RGS13: variants seen among roughly 807,000 people sequenced by gnomAD.
RGS13 encodes regulator of G protein signaling 13.
RGS13 carries 14 observed loss-of-function variants against 19.9 expected under a neutral mutation model. The observed-to-expected ratio is 0.70, with a 90% CI of 0.46 to 1.10. RGS13 has a LOEUF of 1.10. RGS13 is among the 50% of genes least tolerant of loss of function. RGS13 has a pLI of 0.00. For missense variants in RGS13, 205 were observed against 187.1 expected (o/e 1.10, Z -0.56); for synonymous variants, 60 against 56.8 (o/e 1.06, Z -0.25).
chr1:192,650,097 T>C (rs6703417), intron 5 of RGS13, among the ~76,000 whole-genome samples: 11,171 of 152,130 alleles, frequency 0.073, 913 homozygotes, highest in African/African-American at 0.2. Context: ...TGTAAGTTTC[T>C]GTGCCAGTCC....
At chr1:192,650,871 A>G (rs959397265) in intron 5 of RGS13, among the ~76,000 whole-genome samples, 1 of 152,084 alleles carries the variant, frequency 6.6e-6, no homozygotes, top group Non-Finnish European at 1.5e-5. Context: ...TGTTATTTAT[A>G]TGAAACATAA....
intron 5 of RGS13, among the ~76,000 whole-genome samples, chr1:192,652,091 G>C (rs887018986): frequency 2.0e-5 from 3 of 151,996 alleles, no homozygotes; most frequent in African/African-American, 7.2e-5. Context: ...TCAATCTTTT[G>C]ATCAAAATCA....
intron 3 of RGS13, among the ~76,000 whole-genome samples, chr1:192,638,499 A>G (rs569301302): frequency 6.6e-6 from 1 of 152,214 alleles, no homozygotes; most frequent in East Asian, 1.9e-4. Context: ...ATATTCCAAC[A>G]AAATAGTGGT....
intron 3 of RGS13, among the ~76,000 whole-genome samples, chr1:192,642,941 C>T (rs77951007): frequency 1.5e-3 from 235 of 152,078 alleles, no homozygotes; most frequent in African/African-American, 5.4e-3. Flanking sequence ...CTTGCTACAG[C>T]CTCCATCTCC....
chr1:192,659,344 A>G lies in RGS13; in HGVS notation c.301A>G (p.Ile101Val). ...IQPQSPREIN[I>V]DSSTRETIIR... ...ATGTAATTTCACTTTTCAGATTAACATTGACAGTTCGACAAGAGAGACTAT... is the reference window on the plus strand; with the variant it reads ...ATGTAATTTCACTTTTCAGATTAACGTTGACAGTTCGACAAGAGAGACTAT... The change falls in exon 7 of 7, where the codon ATT becomes GTT. Residue 101 changes from isoleucine to valine, a missense_variant. Physicochemically the swap from Ile to Val is conservative, Grantham distance 29. Transcript: ENST00000391995. The G allele has an allele frequency of 6.2e-7, 1 of 1,610,168 alleles. No individual in the cohort carries two copies. The highest frequency in any genetic ancestry group is 8.5e-7 in the Non-Finnish European group (1 of 1,178,464).
chr1:192,646,134 C>G (rs1020678152), intron 4 of RGS13: 1 of 152,158 alleles, frequency 6.6e-6, no homozygotes, highest in Non-Finnish European at 1.5e-5. Context: ...AATCTTAACA[C>G]AGTACACTGT....
intron 5 of RGS13, among the ~76,000 whole-genome samples, chr1:192,655,997 CAG>C (rs1663431449): frequency 6.6e-6 from 1 of 152,018 alleles, no homozygotes; most frequent in Non-Finnish European, 1.5e-5. Flanking sequence ...AAAAAAGAAA[CAG>C]GGATACTTCT....
At chr1:192,640,068 A>G (rs1663079654) in intron 3 of RGS13, among the ~76,000 whole-genome samples, 1 of 152,164 alleles carries the variant, frequency 6.6e-6, no homozygotes, top group South Asian at 2.1e-4. Flanking sequence ...TGGGACAGAA[A>G]AACTATTGCT....
Position 192,659,834 on chromosome 1 carries a change from TA to T in RGS13, c.*313del, listed in dbSNP as rs1173559591. On this transcript the variant is annotated 3_prime_UTR_variant, in exon 7 of 7. Transcript: ENST00000391995. ...AGTCAATTAATGGATATTTCCTTGT[TA>T]ATAAAATTTTGTGTCATAATTTACA... The T allele has an allele frequency of 9.6e-6, 2 of 208,972 alleles. No individual in the cohort carries two copies. Among genetic ancestry groups the T allele is most frequent in the African/African-American group, 4.6e-5 (2 of 43,014 alleles). The allele number at this position is 208,972 out of a possible 1,614,324, so 12.9% of individuals were successfully genotyped here.
intron 3 of RGS13, among the ~76,000 whole-genome samples, chr1:192,643,658 C>T (rs1571580143): frequency 1.3e-5 from 2 of 152,060 alleles, no homozygotes; most frequent in Non-Finnish European, 2.9e-5. Context: ...TTTCTAAACA[C>T]AAGAATTGTG....
intron 5 of RGS13, among the ~76,000 whole-genome samples, chr1:192,648,360 C>T (rs1431066315): frequency 6.6e-6 from 1 of 152,128 alleles, no homozygotes; most frequent in African/African-American, 2.4e-5. Context: ...TGTTCTAAAA[C>T]TCCTCCCCAA....
intron 6 of RGS13, 36 bp from the exon 7 acceptor site, chr1:192,659,302 C>A (rs1558054470): frequency 2.0e-6 from 3 of 1,526,362 alleles, no homozygotes; most frequent in Admixed American, 1.9e-5. Context: ...TTCAACTATG[C>A]TAACTTAATG....
At chr1:192,641,068 T>G (rs972422294) in intron 3 of RGS13, among the ~76,000 whole-genome samples, 5 of 149,828 alleles carry the variant, frequency 3.3e-5, no homozygotes, top group African/African-American at 9.9e-5. Flanking sequence ...TATTACGTCT[T>G]TCTATCAACA....
At chr1:192,649,214 C>T (rs1663273117) in intron 5 of RGS13, among the ~76,000 whole-genome samples, 1 of 152,078 alleles carries the variant, frequency 6.6e-6, no homozygotes, top group African/African-American at 2.4e-5. Context: ...GTTTATAATC[C>T]AATTTGCCAG....
At chr1:192,638,449 T>C (rs1663050695) in intron 3 of RGS13, among the ~76,000 whole-genome samples, 1 of 151,948 alleles carries the variant, frequency 6.6e-6, no homozygotes, top group Non-Finnish European at 1.5e-5. Flanking sequence ...TTTGTTTCAA[T>C]GTAGAGAGTG....
At chr1:192,637,513 T>C (rs1663037206) in intron 1 of RGS13, 77 bp from the exon 2 acceptor site, 1 of 151,994 alleles carries the variant, frequency 6.6e-6, no homozygotes, top group African/African-American at 2.4e-5. Flanking sequence ...CAGTAATCTT[T>C]GCCAAATATG....
chr1:192,642,808 C>A (rs1663148860), intron 3 of RGS13, among the ~76,000 whole-genome samples: 1 of 152,094 alleles, frequency 6.6e-6, no homozygotes, highest in South Asian at 2.1e-4. Flanking sequence ...GGTGTATTCA[C>A]AACCCCTGTA....
At chr1:192,644,469 A>G in intron 4 of RGS13, 70 bp downstream of exon 4, 2 of 1,105,020 alleles carry the variant, frequency 1.8e-6, no homozygotes, top group Non-Finnish European at 2.7e-6. Flanking sequence ...GTACATATTT[A>G]TTAAACTGCT....
At chr1:192,644,430 G>A in intron 4 of RGS13, 31 bp downstream of exon 4, 1 of 1,460,706 alleles carries the variant, frequency 6.8e-7, no homozygotes, top group African/African-American at 1.4e-5. Flanking sequence ...TATGGTAATT[G>A]TAAAGCATAT....
Sources: gnomAD v4.1 joint callset for allele counts (sites outside exome capture counted in the v4.1 genomes callset) on GRCh38, gnomAD v4.1.1 for gene constraint, MANE v1.5 for transcripts, NCBI Gene and HGNC (gene_info 2026-07-23, HGNC 2026-07-21) for gene names.